Variants in RFX4 observed in about 807,000 individuals in gnomAD.
The protein encoded by RFX4 is regulatory factor X4, also known as transcription factor RFX4.
In RFX4, 10 loss-of-function variants were observed where a neutral mutation model predicts 95.0. The observed-to-expected ratio is 0.11, with a 90% CI of 0.06 to 0.18. RFX4 has a LOEUF of 0.18. RFX4 is among the 10% of genes least tolerant of loss of function. The pLI, the probability that RFX4 is intolerant of heterozygous loss-of-function variation, is 1.00. For synonymous variants in RFX4, 321 were observed against 340.7 expected (o/e 0.94, Z 0.64); for missense variants, 640 against 922.0 (o/e 0.69, Z 3.96).
chr12:106,588,331 T>C (rs2039493260), intron 1 of RFX4, among the ~76,000 whole-genome samples: 1 of 152,184 alleles, frequency 6.6e-6, no homozygotes, highest in Admixed American at 6.5e-5. Context: ...TAAAAGACAC[T>C]AGACTTTATG....
At chr12:106,602,657 C>A (rs1169183262) in intron 1 of RFX4, among the ~76,000 whole-genome samples, 1 of 152,174 alleles carries the variant, frequency 6.6e-6, no homozygotes, top group African/African-American at 2.4e-5. Flanking sequence ...TTGGGGGTAA[C>A]CTTCGCCCTT....
At chr12:106,615,325 C>T (rs1221271462) in intron 2 of RFX4, among the ~76,000 whole-genome samples, 4 of 152,140 alleles carry the variant, frequency 2.6e-5, no homozygotes, top group Non-Finnish European at 5.9e-5. Context: ...TTATTCCAAA[C>T]TGTTGGTCTT....
chr12:106,594,802 T>TAA (rs35505166), intron 1 of RFX4, among the ~76,000 whole-genome samples: 112 of 141,910 alleles, frequency 7.9e-4, no homozygotes, highest in East Asian at 5.1e-3. Context: ...TGAGAGGGAT[T>TAA]AAAAAAAAAA....
chr12:106,587,884 A>C (rs1467633598), intron 1 of RFX4, among the ~76,000 whole-genome samples: 2 of 152,120 alleles, frequency 1.3e-5, no homozygotes, highest in East Asian at 3.9e-4. Flanking sequence ...TAAAGAGGAG[A>C]TTCTGATTTT....
At chr12:106,585,135 C>A (rs769811206) in intron 1 of RFX4, among the ~76,000 whole-genome samples, 11 of 152,258 alleles carry the variant, frequency 7.2e-5, no homozygotes, top group Non-Finnish European at 1.0e-4. Flanking sequence ...TATTTTCGAG[C>A]GGCCCACGCA....
chr12:106,669,346 T>C (rs1026283329), intron 4 of RFX4, among the ~76,000 whole-genome samples: 2 of 152,188 alleles, frequency 1.3e-5, no homozygotes, highest in Admixed American at 1.3e-4. Flanking sequence ...GAATTAAATT[T>C]ATTTATATCC....
chr12:106,725,928 T>C lies in RFX4; in HGVS notation c.1351+5052T>C, dbSNP rs978902591. ...AATCTTTAGTCTATGAAAATAAACATGAAAATCAATATTTCAAAGAATAAA... is the reference window on the plus strand; with the variant it reads ...AATCTTTAGTCTATGAAAATAAACACGAAAATCAATATTTCAAAGAATAAA... On this transcript the variant is annotated intron_variant, in intron 13 of 17. Coordinates refer to ENST00000392842, the MANE Select transcript of RFX4 (RefSeq NM_213594.3). Among the ~76,000 whole-genome samples, 6 of 152,048 alleles carry C rather than the reference T, an allele frequency of 3.9e-5. No homozygotes were observed. The East Asian group carries it at 9.6e-4, about 24-fold the overall frequency.
At chr12:106,583,573 C>T (rs2039406333) in intron 1 of RFX4, 3 of 430,654 alleles carry the variant, frequency 7.0e-6, no homozygotes, top group South Asian at 7.4e-5. Flanking sequence ...TGATTGTGTA[C>T]GTGTGTGAGT....
At chr12:106,642,667 T>G (rs1314644988) in intron 3 of RFX4, among the ~76,000 whole-genome samples, 1 of 152,044 alleles carries the variant, frequency 6.6e-6, no homozygotes, top group East Asian at 1.9e-4. Context: ...CATTAGATAG[T>G]GAGAAGTGCT....
At chr12:106,690,472 A>G (rs2041757054) in intron 7 of RFX4, among the ~76,000 whole-genome samples, 1 of 152,162 alleles carries the variant, frequency 6.6e-6, no homozygotes, top group South Asian at 2.1e-4. Flanking sequence ...TGGCTAAGAC[A>G]ATACTAGCTG....
chr12:106,736,278 G>A (rs1284768486), intron 15 of RFX4, among the ~76,000 whole-genome samples: 2 of 152,150 alleles, frequency 1.3e-5, no homozygotes, highest in South Asian at 2.1e-4. Flanking sequence ...ACATAGCCCA[G>A]GGCAGTATTT....
chr12:106,747,502 G>C lies in RFX4; in HGVS notation c.1699G>C (p.Glu567Gln), dbSNP rs780568631. The change falls in exon 16 of 18, where the codon GAG becomes CAG. Residue 567 changes from glutamate (E) to glutamine (Q), a missense_variant. Coordinates refer to ENST00000392842, the MANE Select transcript of RFX4 (RefSeq NM_213594.3). ...TVTTAAGSPA[E>Q]NSQQLPCMRN... ...GACGACGGCTGCTGGGTCCCCAGCT[G>C]AGAACTCCCAACAGCTGCCCTGTAT... 22 of 1,614,066 alleles carry C rather than the reference G, an allele frequency of 1.4e-5. No homozygotes were observed. The highest frequency in any genetic ancestry group is 1.8e-5 in the Non-Finnish European group (21 of 1,180,034).
At chr12:106,719,307 G>A (rs556121026) in intron 11 of RFX4, among the ~76,000 whole-genome samples, 34 of 152,292 alleles carry the variant, frequency 2.2e-4, no homozygotes, top group Admixed American at 1.2e-3. Flanking sequence ...GAGGCTGCTT[G>A]CCTGATACAG....
intron 3 of RFX4, among the ~76,000 whole-genome samples, chr12:106,642,254 C>A (rs1452664718): frequency 2.0e-5 from 3 of 150,600 alleles, no homozygotes; most frequent in African/African-American, 7.3e-5. Flanking sequence ...ATGTGATCCA[C>A]CTTCCTCAGC....
At chr12:106,583,408 G>C (rs781299242) in intron 1 of RFX4, 45 bp downstream of exon 1, 1 of 1,506,724 alleles carries the variant, frequency 6.6e-7, no homozygotes, top group Non-Finnish European at 8.9e-7. Context: ...GGGAGGGAAG[G>C]AGAAGGGAGA....
intron 4 of RFX4, among the ~76,000 whole-genome samples, chr12:106,676,167 C>G (rs1483777458): frequency 3.9e-5 from 6 of 152,046 alleles, no homozygotes; most frequent in African/African-American, 1.2e-4. Flanking sequence ...AAGGCGAGCT[C>G]TGGTGTGGTC....
chr12:106,733,377 T>G, intron 15 of RFX4: 1 of 277,104 alleles, frequency 3.6e-6, no homozygotes. Context: ...CTCCAAAAGA[T>G]AATGCCAAAA....
At position 106,720,380 on chromosome 12, in the gene RFX4, G is replaced by GTATT. The variant is rs1241879952; in HGVS notation, c.1233+340_1233+343dup. Reference sequence around the variant, plus strand: ...CCATAAGCCTTCCTGTCATTTTTCTGTATTTATTTATTTATTTTTGAGACA... The same window carrying GTATT: ...CCATAAGCCTTCCTGTCATTTTTCTGTATTTATTTATTTATTTATTTTTGAGACA... On this transcript the variant is annotated intron_variant, in intron 12 of 17. Coordinates refer to ENST00000392842, the MANE Select transcript of RFX4 (RefSeq NM_213594.3). This position sits in a 1 kb window ranked among gnomAD's most constrained non-coding sequence, Gnocchi z 4.2. 2.0e-5 allele frequency among the ~76,000 whole-genome samples: 3 copies of GTATT among 151,658 alleles called. No individual in the cohort carries two copies. The highest frequency in any genetic ancestry group is 7.2e-5 in the African/African-American group (3 of 41,394).
chr12:106,663,105 G>A (rs774656530), intron 4 of RFX4, among the ~76,000 whole-genome samples: 3 of 152,024 alleles, frequency 2.0e-5, no homozygotes, highest in Non-Finnish European at 2.9e-5. Flanking sequence ...TAACTTGCTG[G>A]GATTCTGATT....
Sources: allele counts gnomAD v4.1 joint callset (sites outside exome capture counted in the v4.1 genomes callset), GRCh38; gene constraint gnomAD v4.1.1; non-coding constraint Gnocchi (gnomAD v3.1); transcripts MANE v1.5; gene names NCBI Gene and HGNC (gene_info 2026-07-23, HGNC 2026-07-21).